Variants in KDM6A observed in about 807,000 individuals in gnomAD.
KDM6A encodes the protein lysine demethylase 6A.
KDM6A carries 11 observed loss-of-function variants against 117.6 expected under a neutral mutation model. The observed-to-expected ratio is 0.09, with a 90% CI of 0.06 to 0.15. The LOEUF is 0.15. KDM6A is among the 10% of genes least tolerant of loss of function. The pLI, the probability that KDM6A is intolerant of heterozygous loss-of-function variation, is 1.00. For synonymous variants in KDM6A, 384 were observed against 396.1 expected (o/e 0.97, Z 0.36); for missense variants, 799 against 1,077.3 (o/e 0.74, Z 3.62).
chrX:44,964,113 A>G (rs1197693528), intron 3 of KDM6A, among the ~76,000 whole-genome samples: 1 of 110,386 alleles, frequency 9.1e-6, no homozygotes, highest in Non-Finnish European at 1.9e-5. Flanking sequence ...GAGAGGAATC[A>G]CTATTTATGG....
chrX:45,047,597 A>AT (rs1305229720), intron 8 of KDM6A, among the ~76,000 whole-genome samples: 1 of 65,112 alleles, frequency 1.5e-5, no homozygotes, highest in African/African-American at 5.0e-5. Context: ...CTGGAGTATG[A>AT]TTTTTTATAC....
chrX:45,004,813 C>T (rs1240792442), intron 4 of KDM6A, among the ~76,000 whole-genome samples: 1 of 111,318 alleles, frequency 9.0e-6, no homozygotes, highest in African/African-American at 3.3e-5. Context: ...CTCACATTCC[C>T]AAACTACCAT....
At chrX:44,875,588 GTATT>G (rs1385069429) in intron 2 of KDM6A, among the ~76,000 whole-genome samples, 4 of 107,684 alleles carry the variant, frequency 3.7e-5, no homozygotes, top group Non-Finnish European at 7.7e-5. Flanking sequence ...TCCAATTTGA[GTATT>G]TAAAGTATTT....
intron 4 of KDM6A, among the ~76,000 whole-genome samples, chrX:44,993,418 C>G (rs1178192716): frequency 9.1e-6 from 1 of 109,803 alleles, no homozygotes; most frequent in African/African-American, 3.3e-5. Flanking sequence ...CTATATTGCC[C>G]AGGCTGGTCT....
rs746893662 is a variant in KDM6A at position 45,089,725 on chromosome X, AT to A, written c.3705-11del. On this transcript the variant is annotated splice_polypyrimidine_tract_variant and intron_variant, in intron 25 of 29. Transcript: ENST00000611820. The stretch of plus-strand genomic sequence containing the variant: ...TTAATGTAGTTGATCCATTTGCATT[AT>A]TTTTTTCTTATTTCAGAAATAATTT... 1.2e-5 allele frequency: 14 copies of A among 1,143,770 alleles called. No homozygotes were observed. Among genetic ancestry groups the A allele is most frequent in the African/African-American group, 1.8e-5 (1 of 56,144 alleles). 94.3% of individuals were successfully genotyped at this position (1,143,770 alleles called of 1,213,427 possible).
chrX:44,953,478 C>A (rs1364521054), intron 2 of KDM6A, among the ~76,000 whole-genome samples: 4 of 112,139 alleles, frequency 3.6e-5, no homozygotes. Flanking sequence ...CACCTAGAAT[C>A]TGAAGCAAGT....
intron 4 of KDM6A, among the ~76,000 whole-genome samples, chrX:44,984,061 C>G (rs1437241490): frequency 9.0e-6 from 1 of 110,832 alleles, no homozygotes; most frequent in African/African-American, 3.3e-5. Context: ...TCTACATCCT[C>G]TCCAGCACCT....
chrX:44,924,066 A>G (rs1382505059), intron 2 of KDM6A, among the ~76,000 whole-genome samples: 2 of 111,964 alleles, frequency 1.8e-5, no homozygotes, highest in Non-Finnish European at 3.8e-5. Context: ...ACCTCAAGAC[A>G]TTGTAATTTT....
chrX:44,982,591 G>A (rs1010076702), intron 4 of KDM6A, among the ~76,000 whole-genome samples: 7 of 111,313 alleles, frequency 6.3e-5, no homozygotes, highest in Admixed American at 1.9e-4. Flanking sequence ...ACATTTTTTG[G>A]GTATGCTAAT....
chrX:45,086,394 T>C (rs765861565), intron 25 of KDM6A, among the ~76,000 whole-genome samples: 1 of 112,431 alleles, frequency 8.9e-6, no homozygotes, highest in Non-Finnish European at 1.9e-5. Context: ...CCTTTTGCCA[T>C]ATCATGATAT....
intron 3 of KDM6A, among the ~76,000 whole-genome samples, chrX:44,964,439 ACT>A (rs1795860647): frequency 1.1e-5 from 1 of 87,811 alleles, no homozygotes; most frequent in Non-Finnish European, 2.1e-5. Context: ...ACAGAGTGAG[ACT>A]CTGTCTCAGA....
intron 8 of KDM6A, among the ~76,000 whole-genome samples, chrX:45,039,096 G>T (rs908635087): frequency 9.0e-6 from 1 of 110,957 alleles, no homozygotes; most frequent in Non-Finnish European, 1.9e-5. Flanking sequence ...CCCAAACCCA[G>T]CTCTATGGCA....
In KDM6A at chrX:45,021,153, G is replaced by A. The variant is rs566020244; in HGVS notation, c.564+423G>A. On this transcript the variant is annotated intron_variant, in intron 6 of 29. Transcript: ENST00000611820. Reference sequence around the variant, plus strand: ...GGTCTCAGTACTTCTACCAGCAGAAGCACATCTTATATTTAAATTAGAAAA... The same window carrying A: ...GGTCTCAGTACTTCTACCAGCAGAAACACATCTTATATTTAAATTAGAAAA... 2.0e-4 allele frequency among the ~76,000 whole-genome samples: 22 copies of A among 108,941 alleles called. 1 individual carries two copies. The South Asian group carries it at 8.8e-3, about 43-fold the overall frequency. 94.6% of individuals were successfully genotyped at this position (108,941 alleles called of 115,157 possible).
At chrX:44,890,642 CTTTTTTTTTTTTT>C (rs761568154) in intron 2 of KDM6A, among the ~76,000 whole-genome samples, 3 of 34,763 alleles carry the variant, frequency 8.6e-5, no homozygotes, top group African/African-American at 1.3e-4. Flanking sequence ...TGATGTTGAA[CTTTTTTTTTTTTT>C]TTTTTTTTTT....
intron 2 of KDM6A, among the ~76,000 whole-genome samples, chrX:44,930,867 C>T (rs771782495): frequency 9.0e-6 from 1 of 111,395 alleles, no homozygotes; most frequent in East Asian, 2.8e-4. Context: ...AGTTTCTATC[C>T]CCATACCTCC....
At chrX:44,944,298 G>T (rs1051546717) in intron 2 of KDM6A, among the ~76,000 whole-genome samples, 13 of 111,760 alleles carry the variant, frequency 1.2e-4, no homozygotes, top group Non-Finnish European at 1.7e-4. Flanking sequence ...GTTGCAGTGA[G>T]CCGAAGTTGC....
intron 2 of KDM6A, among the ~76,000 whole-genome samples, chrX:44,876,501 C>T (rs1284917510): frequency 1.8e-5 from 2 of 109,918 alleles, no homozygotes; most frequent in African/African-American, 3.3e-5. Flanking sequence ...CCCTGAAAGT[C>T]TTAAGAGTTG....
intron 16 of KDM6A, among the ~76,000 whole-genome samples, 194 bp downstream of exon 16, chrX:45,062,942 AGAT>A (rs1184366970): frequency 1.8e-5 from 2 of 112,192 alleles, no homozygotes; most frequent in African/African-American, 6.5e-5. Flanking sequence ...ATTTTGAAGA[AGAT>A]ACTTTGTATT....
At chrX:45,081,325 G>A (rs747202448) in intron 21 of KDM6A, among the ~76,000 whole-genome samples, 1 of 112,274 alleles carries the variant, frequency 8.9e-6, no homozygotes, top group Non-Finnish European at 1.9e-5. Context: ...AGGAATGGAA[G>A]CCAAAGGTCA....
Sources: gnomAD v4.1 joint callset for allele counts (sites outside exome capture counted in the v4.1 genomes callset) on GRCh38, gnomAD v4.1.1 for gene constraint, MANE v1.5 for transcripts, NCBI Gene and HGNC (gene_info 2026-07-23, HGNC 2026-07-21) for gene names.